Variants in FOCAD observed in about 807,000 individuals in gnomAD.
FOCAD encodes the protein KIAA1797.
FOCAD carries 198 observed loss-of-function variants against 225.6 expected under a neutral mutation model. That is an observed-to-expected ratio of 0.88 (90% CI 0.78 to 0.99). The LOEUF (loss-of-function observed/expected upper bound fraction) is 0.99. FOCAD is among the 50% of genes least tolerant of loss of function. The pLI is 0.00. For missense variants in FOCAD, 2,713 were observed against 2,123.6 expected (o/e 1.28, Z -5.46); for synonymous variants, 897 against 755.0 (o/e 1.19, Z -3.08).
chr9:20,864,910 C>T (rs1393591648), intron 16 of FOCAD, among the ~76,000 whole-genome samples: 1 of 151,990 alleles, frequency 6.6e-6, no homozygotes, highest in South Asian at 2.1e-4. Context: ...TGTATTGTTA[C>T]AGAAACTAAA....
chr9:20,932,628 T>G (rs922480354), intron 27 of FOCAD, among the ~76,000 whole-genome samples: 5 of 152,250 alleles, frequency 3.3e-5, no homozygotes, highest in African/African-American at 1.2e-4. Flanking sequence ...GAATGATTAT[T>G]GATAATGTCA....
intron 15 of FOCAD, among the ~76,000 whole-genome samples, chr9:20,823,578 T>C (rs1824555509): frequency 6.6e-6 from 1 of 152,174 alleles, no homozygotes; most frequent in South Asian, 2.1e-4. Context: ...AGAACTAAAC[T>C]TGTAAATCAT....
chr9:20,808,715 A>G (rs759160902), intron 11 of FOCAD, among the ~76,000 whole-genome samples: 9 of 152,142 alleles, frequency 5.9e-5, no homozygotes, highest in South Asian at 2.1e-4. Flanking sequence ...ATCGACTGTC[A>G]TCTTTGGGCA....
chr9:20,720,593 C>G, intron 4 of FOCAD, 59 bp downstream of exon 4: 2 of 1,556,308 alleles, frequency 1.3e-6, no homozygotes, highest in Non-Finnish European at 1.8e-6. Context: ...AAAAAATTCA[C>G]TAAATCACTA....
intron 11 of FOCAD, among the ~76,000 whole-genome samples, chr9:20,818,379 T>C (rs1416924832): frequency 1.4e-4 from 22 of 152,158 alleles, no homozygotes; most frequent in Admixed American, 1.4e-3. Flanking sequence ...TTTACGTTGA[T>C]GAAATTCATT....
chr9:20,843,903 G>A (rs1826804822), intron 15 of FOCAD, among the ~76,000 whole-genome samples: 1 of 152,126 alleles, frequency 6.6e-6, no homozygotes, highest in East Asian at 1.9e-4. Context: ...CTTAGGACTG[G>A]TTAGGGTTTA....
At chr9:20,679,115 C>CTGTGTGTGTGTGTG (rs1221269261) in intron 2 of FOCAD, among the ~76,000 whole-genome samples, 1 of 93,048 alleles carries the variant, frequency 1.1e-5, no homozygotes, top group Admixed American at 1.0e-4. Flanking sequence ...AACAGACAGT[C>CTGTGTGTGTGTGTG]TGTGTATGTG....
At chr9:20,789,725 T>C in intron 11 of FOCAD, 117 bp downstream of exon 11, 1 of 1,273,554 alleles carries the variant, frequency 7.9e-7, no homozygotes, top group Non-Finnish European at 1.1e-6. Context: ...GTTGATGATT[T>C]TTTTTTTTTT....
intron 28 of FOCAD, among the ~76,000 whole-genome samples, chr9:20,935,686 A>C (rs940116373): frequency 2.0e-5 from 3 of 152,190 alleles, no homozygotes; most frequent in Non-Finnish European, 4.4e-5. Context: ...GGCGTGAGCC[A>C]CCCTGCCCAG....
intron 21 of FOCAD, among the ~76,000 whole-genome samples, chr9:20,899,751 CT>C (rs1320929072): frequency 6.6e-6 from 1 of 151,826 alleles, no homozygotes; most frequent in East Asian, 1.9e-4. Context: ...GATAAATTTC[CT>C]TGGAAAGTAT....
intron 11 of FOCAD, among the ~76,000 whole-genome samples, chr9:20,817,130 G>C (rs1191369587): frequency 6.6e-6 from 1 of 152,072 alleles, no homozygotes; most frequent in Non-Finnish European, 1.5e-5. Flanking sequence ...ATTACAGTTT[G>C]TGCTATCAAG....
chr9:20,867,992 T>C (rs1389754112), intron 18 of FOCAD, among the ~76,000 whole-genome samples: 1 of 152,126 alleles, frequency 6.6e-6, no homozygotes, highest in Non-Finnish European at 1.5e-5. Flanking sequence ...AACCAATTCC[T>C]AAGGCAGGCA....
At chr9:20,988,006 G>A (rs997977207) in intron 40 of FOCAD, among the ~76,000 whole-genome samples, 17 of 152,196 alleles carry the variant, frequency 1.1e-4, no homozygotes, top group Admixed American at 2.0e-4. Flanking sequence ...AACATTGCTA[G>A]TTAGTTGGCA....
chr9:20,760,428 C>T (rs1165826670), intron 6 of FOCAD, among the ~76,000 whole-genome samples: 2 of 152,210 alleles, frequency 1.3e-5, no homozygotes, highest in East Asian at 3.8e-4. Flanking sequence ...ATCTCACCAG[C>T]TTTATCTTTT....
chr9:20,674,109 T>C (rs1822157715), intron 2 of FOCAD, among the ~76,000 whole-genome samples: 1 of 152,224 alleles, frequency 6.6e-6, no homozygotes, highest in African/African-American at 2.4e-5. Flanking sequence ...TCAGGAACTT[T>C]GCAAACTACT....
At chr9:20,905,133 A>G (rs1832852715) in intron 21 of FOCAD, among the ~76,000 whole-genome samples, 2 of 151,932 alleles carry the variant, frequency 1.3e-5, no homozygotes, top group Admixed American at 1.3e-4. Flanking sequence ...ACTCCATAGA[A>G]CACTAAGTCT....
intron 10 of FOCAD, among the ~76,000 whole-genome samples, chr9:20,787,831 T>G (rs982527551): frequency 1.3e-5 from 2 of 152,124 alleles, no homozygotes; most frequent in African/African-American, 4.8e-5. Context: ...AAAAAAAAAT[T>G]GGTAGCACTC....
At chr9:20,832,467 C>G (rs572558867) in intron 15 of FOCAD, among the ~76,000 whole-genome samples, 1 of 151,778 alleles carries the variant, frequency 6.6e-6, no homozygotes, top group Admixed American at 6.6e-5. Flanking sequence ...TGTTTTGATA[C>G]AGGCACGCAA....
Position 20,982,415 on chromosome 9 carries a change from A to G in FOCAD, c.4697A>G (p.Asp1566Gly). The G allele has an allele frequency of 6.2e-7, 1 of 1,613,930 alleles. No individual in the cohort carries two copies. Among genetic ancestry groups the G allele is most frequent in the Non-Finnish European group, 8.5e-7 (1 of 1,179,852 alleles). Residue 1566 changes from aspartate to glycine, a missense_variant, in exon 39 of 44, where the codon GAT (aspartate) becomes GGT (glycine). By Grantham distance (94) the Asp-to-Gly change is moderately conservative. Transcript: ENST00000338382. ...IAKCLLEMTD[D>G]DANRIAQVTK... ...AAATGCCTCTTAGAAATGACAGATGATGATGCCAATCGGATCGCCCAGGTT... is the reference window on the plus strand; with the variant it reads ...AAATGCCTCTTAGAAATGACAGATGGTGATGCCAATCGGATCGCCCAGGTT...
Sources: allele counts gnomAD v4.1 joint callset (sites outside exome capture counted in the v4.1 genomes callset), GRCh38; gene constraint gnomAD v4.1.1; transcripts MANE v1.5; gene names NCBI Gene and HGNC (gene_info 2026-07-23, HGNC 2026-07-21).